Variants in SPICE1 observed in about 807,000 individuals in gnomAD.
SPICE1 encodes spindle and centriole-associated protein 1.
SPICE1 carries 75 observed loss-of-function variants against 102.7 expected under a neutral mutation model. The ratio of observed to expected loss-of-function variants is 0.73; its 90% CI spans 0.61 to 0.88. The LOEUF (loss-of-function observed/expected upper bound fraction) is 0.88. Ranked by LOEUF, SPICE1 falls within the 40% of genes least tolerant of loss-of-function variation. The pLI is 0.00. For missense variants in SPICE1, 979 were observed against 1,020.1 expected (o/e 0.96, Z 0.55); for synonymous variants, 308 against 350.3 (o/e 0.88, Z 1.35).
At chr3:113,500,727 T>C (rs2107502006) in intron 3 of SPICE1, among the ~76,000 whole-genome samples, 1 of 152,272 alleles carries the variant, frequency 6.6e-6, no homozygotes, top group East Asian at 1.9e-4. Flanking sequence ...TCCCTTGAGT[T>C]TGAAATTTTT....
intron 7 of SPICE1, among the ~76,000 whole-genome samples, 196 bp from the exon 8 acceptor site, chr3:113,469,434 A>G (rs978066852): frequency 9.6e-5 from 14 of 146,492 alleles, no homozygotes; most frequent in African/African-American, 3.5e-4. Context: ...TAATTAAATT[A>G]TATAATTAAT....
At chr3:113,507,406 A>G (rs2107508365) in intron 1 of SPICE1, among the ~76,000 whole-genome samples, 1 of 152,270 alleles carries the variant, frequency 6.6e-6, no homozygotes, top group South Asian at 2.1e-4. Context: ...ACCTACCTAA[A>G]TAATTACAGG....
chr3:113,493,493 A>G (rs1411337769), intron 5 of SPICE1, among the ~76,000 whole-genome samples, 181 bp from the exon 6 acceptor site: 1 of 152,166 alleles, frequency 6.6e-6, no homozygotes, highest in African/African-American at 2.4e-5. Flanking sequence ...AACTCATTTT[A>G]CTCTCATAAA....
rs1430160169 is a variant in SPICE1, at chr3:113,460,787, T to C, written c.1288-23A>G. ...TGCCTGGGGAGGAAAACATATGAAA[T>C]AATATTATTAGCATATCAAACATCA... On this transcript the variant is annotated intron_variant, in intron 11 of 17. Transcript: ENST00000295872. 12 of 1,564,918 alleles carry C rather than the reference T, an allele frequency of 7.7e-6. No homozygotes were observed. The East Asian group carries it at 1.4e-4, about 18-fold the overall frequency.
Position 113,457,147 on chromosome 3 carries a change from G to C in SPICE1, c.1646C>G (p.Pro549Arg). ...PRQKSNLKFS[P>R]LQDVLRRTVQ... ...AGAAGAAGACTTACCGTCCTGAAGA[G>C]GAGAGAATTTTAAGTTGCTCTTCTG... is the stretch of plus-strand genomic sequence containing the variant. The change falls in exon 13 of 18, where the codon CCT (proline) becomes CGT (arginine). Residue 549 changes from proline (P) to arginine (R), a missense_variant. Pro to Arg is a moderately radical substitution (Grantham distance 103, BLOSUM62 -2). Transcript: ENST00000295872. 1 of 1,614,134 alleles carries C rather than the reference G, an allele frequency of 6.2e-7. No homozygotes were observed. Among genetic ancestry groups the C allele is most frequent in the Non-Finnish European group, 8.5e-7 (1 of 1,179,996 alleles).
intron 7 of SPICE1, among the ~76,000 whole-genome samples, chr3:113,479,785 A>T (rs1210785536): frequency 6.6e-6 from 1 of 152,162 alleles, no homozygotes; most frequent in Non-Finnish European, 1.5e-5. Flanking sequence ...AGCCCTAAAC[A>T]TGTTTATCAA....
At chr3:113,453,048 C>T (rs997196629) in intron 14 of SPICE1, among the ~76,000 whole-genome samples, 2 of 152,114 alleles carry the variant, frequency 1.3e-5, no homozygotes, top group African/African-American at 4.8e-5. Context: ...TAGGAAAATC[C>T]ATTCTATGTC....
chr3:113,502,759 GAGA>G (rs1267699624), intron 3 of SPICE1, among the ~76,000 whole-genome samples: 1 of 150,788 alleles, frequency 6.6e-6, no homozygotes, highest in African/African-American at 2.4e-5. Context: ...TGAACGGGTA[GAGA>G]AGAAGGTACA....
chr3:113,445,164 CTTTA>C lies in SPICE1; in HGVS notation c.*139_*142del. The C allele has an allele frequency of 1.8e-6, 1 of 563,294 alleles. No individual in the cohort carries two copies. The highest frequency in any genetic ancestry group is 2.9e-6 in the Non-Finnish European group (1 of 341,662). The allele number at this position is 563,294 out of a possible 1,614,324, so 34.9% of individuals were successfully genotyped here. ...ATTTGAGAAAGTCAAAAAATAATTG[CTTTA>C]TTTCTCTGTTTCATTAGTACTAATT... On this transcript the variant is annotated 3_prime_UTR_variant, in exon 18 of 18. Transcript: ENST00000295872.
At chr3:113,511,350 G>T (rs184100414) in intron 1 of SPICE1, among the ~76,000 whole-genome samples, 21 of 152,246 alleles carry the variant, frequency 1.4e-4, no homozygotes, top group African/African-American at 5.1e-4. Context: ...GCAAAGAGAT[G>T]GAATCAACCC....
intron 10 of SPICE1, among the ~76,000 whole-genome samples, chr3:113,467,312 G>A (rs774683318): frequency 5.9e-5 from 9 of 151,996 alleles, no homozygotes; most frequent in Non-Finnish European, 8.8e-5. Context: ...TATTTTTTGA[G>A]ACAGTGTCTT....
intron 5 of SPICE1, among the ~76,000 whole-genome samples, chr3:113,493,513 G>GA (rs1042793712): frequency 6.6e-6 from 1 of 152,108 alleles, no homozygotes; most frequent in Non-Finnish European, 1.5e-5. Context: ...AACCCTATAA[G>GA]TACAATTACT....
chr3:113,493,884 GA>G (rs1412305334), intron 5 of SPICE1, among the ~76,000 whole-genome samples, 164 bp downstream of exon 5: 3 of 152,200 alleles, frequency 2.0e-5, no homozygotes, highest in African/African-American at 7.2e-5. Context: ...TAGTGGAAAG[GA>G]AACAGATTAT....
At position 113,445,343 on chromosome 3, in the gene SPICE1, T is replaced by C; in HGVS notation, c.2532A>G (p.Glu844=). 6.2e-7 allele frequency: 1 copy of C among 1,612,830 alleles called. No homozygotes were observed. The highest frequency in any genetic ancestry group is 8.5e-7 in the Non-Finnish European group (1 of 1,179,336). Residue 844 remains glutamate (E), a synonymous_variant, in exon 18 of 18, where the codon GAA becomes GAG. Transcript: ENST00000295872. ...NPRAKIEKQN[E]EGWFALSTHV... Reference sequence around the variant, plus strand: ...GGGTAGAAAGAGCAAACCAGCCTTCTTCATTCTGTTTCTCAATCTGTTGAA... The same window carrying C: ...GGGTAGAAAGAGCAAACCAGCCTTCCTCATTCTGTTTCTCAATCTGTTGAA...
chr3:113,460,414 T>C, intron 12 of SPICE1: 1 of 958,652 alleles, frequency 1.0e-6, no homozygotes, highest in Non-Finnish European at 1.2e-6. Flanking sequence ...ATTGAAATTA[T>C]GCATGTAAGA....
At position 113,465,797 on chromosome 3, in the gene SPICE1, A is replaced by G. The variant is rs1398012228; in HGVS notation, c.1156-13T>C. On this transcript the variant is annotated splice_polypyrimidine_tract_variant and intron_variant, in intron 10 of 17. Transcript: ENST00000295872. The stretch of plus-strand genomic sequence containing the variant: ...GCTGGATCTCACTCTACAAAAAAAT[A>G]TCAAATAAACTTCCACCAATAGCAT... The G allele has an allele frequency of 1.2e-6, 2 of 1,607,174 alleles. No homozygotes were observed. The highest frequency in any genetic ancestry group is 1.7e-6 in the Non-Finnish European group (2 of 1,178,180).
rs185180691 is a variant in SPICE1 at position 113,485,156 on chromosome 3, T to C, written c.611+3789A>G. On this transcript the variant is annotated intron_variant, in intron 7 of 17. Coordinates refer to ENST00000295872, the MANE Select transcript of SPICE1 (RefSeq NM_144718.4). ...GGGGCCGTTTGGGCAGACACCAAAC[T>C]AGCTGCAGGAGTTTTGTTTGTTTTT... 7.3e-3 allele frequency among the ~76,000 whole-genome samples: 1,096 copies of C among 150,536 alleles called. 4 individuals are homozygous for C. The highest frequency in any genetic ancestry group is 0.035 in the Middle Eastern group (10 of 284).
At position 113,460,434 on chromosome 3, in the gene SPICE1, T is replaced by C. The variant is rs987312518; in HGVS notation, c.1435+183A>G. 14 of 978,434 alleles carry C rather than the reference T, an allele frequency of 1.4e-5. No homozygotes were observed. The African/African-American group carries it at 2.3e-4, about 16-fold the overall frequency. 60.6% of individuals were successfully genotyped at this position (978,434 alleles called of 1,614,324 possible). A position where few individuals can be genotyped will look rare whatever the true frequency, so the allele number is the denominator to read the frequency against. On this transcript the variant is annotated intron_variant, in intron 12 of 17. Coordinates refer to ENST00000295872, the MANE Select transcript of SPICE1 (RefSeq NM_144718.4). ...AATTATGCATGTAAGACTTAACAAG[T>C]ATCTGGCATAGAGCATGCATCCAAT...
chr3:113,472,988 G>A lies in SPICE1; in HGVS notation c.612-3750C>T, dbSNP rs577287687. On this transcript the variant is annotated intron_variant, in intron 7 of 17. Coordinates refer to ENST00000295872, the MANE Select transcript of SPICE1 (RefSeq NM_144718.4). The stretch of plus-strand genomic sequence containing the variant: ...AGGCTTCAGACGATCAAACTACTCC[G>A]AGCTACAGGAGGAAATTCAAACCAA... 2.0e-3 allele frequency among the ~76,000 whole-genome samples: 307 copies of A among 152,254 alleles called. 1 individual carries two copies. Among genetic ancestry groups the A allele is most frequent in the Non-Finnish European group, 3.2e-3 (220 of 68,022 alleles).
Sources: allele counts gnomAD v4.1 joint callset (sites outside exome capture counted in the v4.1 genomes callset), GRCh38; gene constraint gnomAD v4.1.1; transcripts MANE v1.5; gene names NCBI Gene and HGNC (gene_info 2026-07-23, HGNC 2026-07-21).